Variants in SLC35F3 observed in about 807,000 individuals in gnomAD.
The protein encoded by SLC35F3 is putative thiamine transporter SLC35F3.
In SLC35F3, 25 loss-of-function variants were observed where a neutral mutation model predicts 49.9. The ratio of observed to expected loss-of-function variants is 0.50; its 90% CI spans 0.37 to 0.70. The LOEUF (loss-of-function observed/expected upper bound fraction) is 0.70, where lower values mean the gene tolerates loss of function less well. SLC35F3 is among the 30% of genes least tolerant of loss of function. The pLI is 0.00. For synonymous variants in SLC35F3, 275 were observed against 265.4 expected (o/e 1.04, Z -0.35); for missense variants, 525 against 639.8 (o/e 0.82, Z 1.94).
intron 2 of SLC35F3, among the ~76,000 whole-genome samples, chr1:234,045,590 T>G (rs1389533984): frequency 1.3e-5 from 2 of 152,176 alleles, no homozygotes; most frequent in African/African-American, 4.8e-5. Context: ...CTTGCACTTG[T>G]AACCACATGC....
chr1:234,302,168 G>GT (rs1039830707), intron 3 of SLC35F3, among the ~76,000 whole-genome samples: 3 of 151,216 alleles, frequency 2.0e-5, no homozygotes, highest in Non-Finnish European at 4.4e-5. Context: ...TGTTGTTGTT[G>GT]TTTTTTTTAA....
In SLC35F3 at chr1:234,320,107, T is replaced by C. The variant is rs539243199; in HGVS notation, c.1157T>C (p.Ile386Thr). The stretch of plus-strand genomic sequence containing the variant: ...ACATTCTTTATTTCAGCATTCAATA[T>C]TGTATTAAATTTTGGAATTGCCGTT... The part of the protein sequence containing the change: ...GFSVLLLTFN[I>T]VLNFGIAVTY... Residue 386 changes from isoleucine (I) to threonine (T), a missense_variant, in exon 7 of 8, where the codon ATT becomes ACT. This residue lies in a region of SLC35F3 where 216 missense variants were observed against 298.1 expected (regional missense o/e 0.72). Transcript: ENST00000366618. This position sits in a 1 kb window ranked among gnomAD's most constrained non-coding sequence, Gnocchi z 4.8. 2.6e-5 allele frequency: 41 copies of C among 1,601,662 alleles called. No individual in the cohort carries two copies. The African/African-American group carries it at 3.1e-4, about 12-fold the overall frequency.
At chr1:234,030,002 G>A (rs1283980403) in intron 2 of SLC35F3, among the ~76,000 whole-genome samples, 1 of 152,098 alleles carries the variant, frequency 6.6e-6, no homozygotes, top group African/African-American at 2.4e-5. Context: ...GGTTCCTAAA[G>A]ACTAATAATA....
intron 2 of SLC35F3, among the ~76,000 whole-genome samples, chr1:234,040,468 A>T (rs940057612): frequency 2.6e-5 from 4 of 152,074 alleles, no homozygotes; most frequent in Admixed American, 2.0e-4. Flanking sequence ...TTCACCAGGG[A>T]CCCGCCCCTG....
chr1:234,129,621 A>G (rs1665703080), intron 2 of SLC35F3, among the ~76,000 whole-genome samples: 1 of 152,226 alleles, frequency 6.6e-6, no homozygotes, highest in Non-Finnish European at 1.5e-5. Flanking sequence ...AAAAGAACTC[A>G]GACTAGCCAA....
At chr1:233,976,425 C>G (rs1219971987) in intron 2 of SLC35F3, among the ~76,000 whole-genome samples, 1 of 152,198 alleles carries the variant, frequency 6.6e-6, no homozygotes, top group African/African-American at 2.4e-5. Flanking sequence ...TCCAGCACAA[C>G]TTCAGCAATA....
intron 2 of SLC35F3, among the ~76,000 whole-genome samples, chr1:234,111,094 ATTTG>A (rs1030061674): frequency 1.3e-5 from 2 of 152,184 alleles, no homozygotes; most frequent in Non-Finnish European, 2.9e-5. Flanking sequence ...TAAGGTAAAC[ATTTG>A]TTTTATAATC....
chr1:234,251,399 G>T (rs892825227), intron 3 of SLC35F3, among the ~76,000 whole-genome samples: 7 of 148,802 alleles, frequency 4.7e-5, no homozygotes, highest in African/African-American at 1.7e-4. Flanking sequence ...ATAGGGTAAT[G>T]ATGGGAACAA....
At position 234,187,939 on chromosome 1, in the gene SLC35F3, G is replaced by T. The variant is rs570972156; in HGVS notation, c.284-43478G>T. 5.3e-5 allele frequency among the ~76,000 whole-genome samples: 8 copies of T among 152,258 alleles called. No homozygotes were observed. In the East Asian group the frequency reaches 1.5e-3, roughly 29 times the overall value. Reference sequence around the variant, plus strand: ...TGAATCTGATGTGCAGACTCAACAGGTGGGGAGGCATGAAAGGCCAGGCGC... The same window carrying T: ...TGAATCTGATGTGCAGACTCAACAGTTGGGGAGGCATGAAAGGCCAGGCGC... On this transcript the variant is annotated intron_variant, in intron 2 of 7. Coordinates refer to ENST00000366618, the MANE Select transcript of SLC35F3 (RefSeq NM_173508.4).
At chr1:234,073,031 T>G (rs1664741017) in intron 2 of SLC35F3, among the ~76,000 whole-genome samples, 1 of 152,234 alleles carries the variant, frequency 6.6e-6, no homozygotes, top group African/African-American at 2.4e-5. Flanking sequence ...TGGAGGTGGC[T>G]GCAGAGGCAG....
chr1:234,268,184 A>C (rs1188157162), intron 3 of SLC35F3, among the ~76,000 whole-genome samples: 2 of 152,170 alleles, frequency 1.3e-5, no homozygotes, highest in Non-Finnish European at 2.9e-5. Context: ...TGAGTGAACC[A>C]GACTCCGTCT....
intron 2 of SLC35F3, among the ~76,000 whole-genome samples, chr1:234,166,613 G>A (rs1226880397): frequency 6.6e-6 from 1 of 152,188 alleles, no homozygotes; most frequent in Non-Finnish European, 1.5e-5. Flanking sequence ...GGATTCTGAA[G>A]AGAGGACCAG....
Position 233,943,445 on chromosome 1 carries a change from T to G in SLC35F3, c.283+37687T>G, listed in dbSNP as rs375201490. On this transcript the variant is annotated intron_variant, in intron 2 of 7. Transcript: ENST00000366618. ...TGCAAGTAGCTTTGCCCAATATGTT[T>G]ATGTATCATGTTCCAGTTATTACAT... 1.8e-4 allele frequency among the ~76,000 whole-genome samples: 28 copies of G among 152,388 alleles called. 1 individual carries two copies. The highest frequency in any genetic ancestry group is 6.7e-4 in the African/African-American group (28 of 41,598).
Position 234,323,431 on chromosome 1 carries a change from A to G in SLC35F3, c.*188A>G. 1 of 589,598 alleles carries G rather than the reference A, an allele frequency of 1.7e-6. No homozygotes were observed. Among genetic ancestry groups the G allele is most frequent in the Non-Finnish European group, 3.0e-6 (1 of 332,840 alleles). The allele number at this position is 589,598 out of a possible 1,614,324, so 36.5% of individuals were successfully genotyped here. On this transcript the variant is annotated 3_prime_UTR_variant, in exon 8 of 8. Transcript: ENST00000366618. This position sits in a 1 kb window ranked among gnomAD's most constrained non-coding sequence, Gnocchi z 4.5. Reference sequence around the variant, plus strand: ...ACCTTCCACTTAAGGGTACCAATTCAATACAAAAGAGAAAAGAAGAACCTC... The same window carrying G: ...ACCTTCCACTTAAGGGTACCAATTCGATACAAAAGAGAAAAGAAGAACCTC...
At chr1:233,984,924 C>T (rs187606759) in intron 2 of SLC35F3, among the ~76,000 whole-genome samples, 1 of 152,268 alleles carries the variant, frequency 6.6e-6, no homozygotes, top group Admixed American at 6.5e-5. Context: ...TCTTGTTCAT[C>T]AAGTTGCTTA....
chr1:234,030,589 A>G, intron 2 of SLC35F3, among the ~76,000 whole-genome samples: 1 of 152,216 alleles, frequency 6.6e-6, no homozygotes, highest in East Asian at 1.9e-4. Context: ...TCATTCATCC[A>G]TTGTACGGGA....
intron 2 of SLC35F3, among the ~76,000 whole-genome samples, chr1:233,968,490 TC>T (rs145000615): frequency 0.58 from 81,519 of 140,148 alleles, 22,388 homozygotes; most frequent in Non-Finnish European, 0.61. Flanking sequence ...TTTTTCTTTT[TC>T]TTTTTCTTTT....
chr1:234,200,834 G>A (rs1262142199), intron 2 of SLC35F3, among the ~76,000 whole-genome samples: 2 of 152,142 alleles, frequency 1.3e-5, no homozygotes, highest in East Asian at 1.9e-4. Flanking sequence ...GACAGACCTC[G>A]TCATTTTGGC....
At chr1:234,193,839 A>C (rs1441594295) in intron 2 of SLC35F3, among the ~76,000 whole-genome samples, 2 of 152,234 alleles carry the variant, frequency 1.3e-5, no homozygotes, top group Non-Finnish European at 2.9e-5. Context: ...CAAACATATG[A>C]AAAAATGCTC....
Sources: allele counts gnomAD v4.1 joint callset (sites outside exome capture counted in the v4.1 genomes callset), GRCh38; gene constraint gnomAD v4.1.1; regional missense constraint gnomAD v4.1.1; non-coding constraint Gnocchi (gnomAD v3.1); transcripts MANE v1.5; gene names NCBI Gene and HGNC (gene_info 2026-07-23, HGNC 2026-07-21).